The following MED13L variants were observed in gnomAD, a reference collection of about 807,000 sequenced individuals.
MED13L encodes the protein mediator complex subunit 13L, also known as mediator of RNA polymerase II transcription subunit 13-like.
MED13L carries 7 observed loss-of-function variants against 220.9 expected under a neutral mutation model. The ratio of observed to expected loss-of-function variants is 0.03; its 90% CI spans 0.02 to 0.06. The LOEUF (loss-of-function observed/expected upper bound fraction) is 0.06, where lower values mean the gene tolerates loss of function less well. MED13L is among the 10% of genes least tolerant of loss of function. The probability of loss-of-function intolerance (pLI) is 1.00; values close to 1 mark genes in which losing one functional copy is unlikely to be tolerated. For synonymous variants in MED13L, 1,011 were observed against 1,015.2 expected (o/e 1.00, Z 0.08); for missense variants, 1,965 against 2,760.5 (o/e 0.71, Z 6.46).
intron 2 of MED13L, among the ~76,000 whole-genome samples, chr12:116,214,534 A>G (rs1337553963): frequency 1.3e-5 from 2 of 152,186 alleles, no homozygotes; most frequent in African/African-American, 4.8e-5. Flanking sequence ...TTTTAATACT[A>G]TATTTATATA....
At position 116,006,330 on chromosome 12, in the gene MED13L, T is replaced by G; in HGVS notation, c.2320A>C (p.Ile774Leu). The G allele has an allele frequency of 1.9e-6, 3 of 1,613,900 alleles. No individual in the cohort carries two copies. Among genetic ancestry groups the G allele is most frequent in the Middle Eastern group, 1.6e-4 (1 of 6,062 alleles). Reference protein sequence around the residue: ...PVPDGKNAMSIFSSATKTDVR... With the variant: ...PVPDGKNAMSLFSSATKTDVR... ...CCTGTTTTAGTAGCAGAACTGAAAA[T>G]AGACATGGCATTTTTCCCATCAGGC... The change falls in exon 12 of 31, where the codon ATT becomes CTT. Residue 774 changes from isoleucine to leucine, a missense_variant. Transcript: ENST00000281928.
chr12:115,988,281 T>C lies in MED13L; in HGVS notation c.3935-993A>G, dbSNP rs1444066068. ...GCAAAGTGGTGGTCCACAGAATATT[T>C]TGTTAAACTTTGGAACAAATCACTC... On this transcript the variant is annotated intron_variant, in intron 17 of 30. Coordinates refer to ENST00000281928, the MANE Select transcript of MED13L (RefSeq NM_015335.5). 2.0e-5 allele frequency among the ~76,000 whole-genome samples: 3 copies of C among 152,230 alleles called. No homozygotes were observed. The East Asian group carries it at 5.8e-4, about 29-fold the overall frequency.
chr12:116,241,341 A>AAC (rs890266083), intron 1 of MED13L, among the ~76,000 whole-genome samples: 222 of 149,208 alleles, frequency 1.5e-3, no homozygotes, highest in Middle Eastern at 6.9e-3. Flanking sequence ...ACAAAAAAAA[A>AAC]ACACACACAC....
intron 4 of MED13L, among the ~76,000 whole-genome samples, chr12:116,067,656 A>T (rs1870050569): frequency 6.6e-6 from 1 of 152,228 alleles, no homozygotes; most frequent in South Asian, 2.1e-4. Flanking sequence ...CATTAGAGTA[A>T]TGATGCTGTA....
chr12:116,015,444 A>C (rs563744721), intron 7 of MED13L, among the ~76,000 whole-genome samples, 170 bp from the exon 8 acceptor site: 1 of 152,304 alleles, frequency 6.6e-6, no homozygotes, highest in African/African-American at 2.4e-5. Flanking sequence ...TAAAATTTCT[A>C]TCAGAATGGA....
rs1872305614 is a variant in MED13L at position 116,092,399 on chromosome 12, C to T, written c.479+4270G>A. On this transcript the variant is annotated intron_variant, in intron 4 of 30. Coordinates refer to ENST00000281928, the MANE Select transcript of MED13L (RefSeq NM_015335.5). ...AAGAGGAGGATGGAGAGAAGGCGTA[C>T]CACTCAAGAACAGGGCAGGTTTGCC... is the stretch of plus-strand genomic sequence containing the variant. Among the ~76,000 whole-genome samples, 3 of 152,194 alleles carry T rather than the reference C, an allele frequency of 2.0e-5. No individual in the cohort carries two copies. In the South Asian group the frequency reaches 6.2e-4, roughly 32 times the overall value.
chr12:116,199,689 GCTA>G (rs1351914379), intron 2 of MED13L, among the ~76,000 whole-genome samples: 1 of 151,692 alleles, frequency 6.6e-6, no homozygotes. Flanking sequence ...CTTTTTAAAT[GCTA>G]CTTTTTTTTT....
At chr12:116,006,042 C>G (rs1879025460) in intron 12 of MED13L, 49 bp from the exon 13 acceptor site, 5 of 1,610,416 alleles carry the variant, frequency 3.1e-6, no homozygotes, top group African/African-American at 1.3e-5. Flanking sequence ...CCACCAAGCG[C>G]AAAGGAGTAG....
At position 116,106,583 on chromosome 12, in the gene MED13L, G is replaced by A. The variant is rs148684591; in HGVS notation, c.395+4845C>T. Among the ~76,000 whole-genome samples, 731 of 152,228 alleles carry A rather than the reference G, an allele frequency of 4.8e-3. 5 individuals are homozygous for A. The highest frequency in any genetic ancestry group is 0.017 in the African/African-American group (702 of 41,532). On this transcript the variant is annotated intron_variant, in intron 3 of 30. Transcript: ENST00000281928. ...TATAAGGCTGGGTACAGTGGCTCACGCCTGTAGTCCCAGCACTGTGGGAGG... is the reference window on the plus strand; with the variant it reads ...TATAAGGCTGGGTACAGTGGCTCACACCTGTAGTCCCAGCACTGTGGGAGG...
intron 4 of MED13L, among the ~76,000 whole-genome samples, chr12:116,040,928 G>A (rs1350859434): frequency 1.3e-5 from 2 of 152,130 alleles, no homozygotes; most frequent in Admixed American, 1.3e-4. Flanking sequence ...GAATTAGTAC[G>A]GGAGGGATAG....
chr12:116,169,695 G>A (rs1451092720), intron 2 of MED13L, among the ~76,000 whole-genome samples: 1 of 152,164 alleles, frequency 6.6e-6, no homozygotes, highest in Non-Finnish European at 1.5e-5. Flanking sequence ...TTTGCTAAAA[G>A]GTTAGTTGAA....
At chr12:116,137,058 T>C (rs1013003553) in intron 2 of MED13L, among the ~76,000 whole-genome samples, 1 of 152,230 alleles carries the variant, frequency 6.6e-6, no homozygotes, top group Non-Finnish European at 1.5e-5. Flanking sequence ...TGTCTTTACA[T>C]GGCTAAATCC....
chr12:116,051,091 A>G lies in MED13L; in HGVS notation c.480-28490T>C, dbSNP rs540597139. On this transcript the variant is annotated intron_variant, in intron 4 of 30. Transcript: ENST00000281928. ...CTAAATTAGGAAGCCCAAATTTTAC[A>G]AGTCAAATCCTAAGGAAATGGGTTG... Among the ~76,000 whole-genome samples the G allele has an allele frequency of 3.3e-5, 5 of 152,334 alleles. No homozygotes were observed. The East Asian group carries it at 7.7e-4, about 23-fold the overall frequency.
chr12:116,166,055 C>T (rs1879245710), intron 2 of MED13L, among the ~76,000 whole-genome samples: 1 of 152,186 alleles, frequency 6.6e-6, no homozygotes, highest in African/African-American at 2.4e-5. Context: ...AGTTCAAATG[C>T]CACTTTATCA....
chr12:116,161,055 T>C (rs1878818621), intron 2 of MED13L, among the ~76,000 whole-genome samples: 1 of 152,164 alleles, frequency 6.6e-6, no homozygotes, highest in Non-Finnish European at 1.5e-5. Context: ...GATAAGGGAC[T>C]TCATTTTACA....
At chr12:116,012,565 C>T (rs180989849) in intron 9 of MED13L, among the ~76,000 whole-genome samples, 171 of 152,290 alleles carry the variant, frequency 1.1e-3, no homozygotes, top group African/African-American at 3.9e-3. Flanking sequence ...TTTGAAGCTG[C>T]TAACCAGAAA....
chr12:116,055,431 T>C (rs1219750173), intron 4 of MED13L, among the ~76,000 whole-genome samples: 1 of 152,220 alleles, frequency 6.6e-6, no homozygotes, highest in Non-Finnish European at 1.5e-5. Context: ...TTTCGATCCC[T>C]ACTTTCAGAG....
At chr12:116,229,722 C>T (rs1869367377) in intron 2 of MED13L, among the ~76,000 whole-genome samples, 1 of 152,176 alleles carries the variant, frequency 6.6e-6, no homozygotes, top group African/African-American at 2.4e-5. Context: ...CATAATTTTA[C>T]AATATGAATG....
At chr12:116,015,995 T>C (rs1879701188) in intron 7 of MED13L, among the ~76,000 whole-genome samples, 1 of 152,220 alleles carries the variant, frequency 6.6e-6, no homozygotes, top group Non-Finnish European at 1.5e-5. Context: ...TTCTTTCAAC[T>C]ATGTTCATTA....
Sources: allele counts gnomAD v4.1 joint callset (sites outside exome capture counted in the v4.1 genomes callset), GRCh38; gene constraint gnomAD v4.1.1; transcripts MANE v1.5; gene names NCBI Gene and HGNC (gene_info 2026-07-23, HGNC 2026-07-21).